The following RBMS2 variants were observed in gnomAD, a reference collection of about 807,000 sequenced individuals.
RBMS2 encodes RNA binding motif single stranded interacting protein 2.
A neutral mutation model predicts 58.4 loss-of-function variants in RBMS2; 38 were observed. The ratio of observed to expected loss-of-function variants is 0.65; its 90% CI spans 0.50 to 0.85. RBMS2 has a LOEUF of 0.85. RBMS2 is among the 40% of genes least tolerant of loss of function. The probability of loss-of-function intolerance (pLI) is 0.00; values close to 1 mark genes in which losing one functional copy is unlikely to be tolerated. For missense variants in RBMS2, 367 were observed against 503.7 expected (o/e 0.73, Z 2.60); for synonymous variants, 151 against 180.7 (o/e 0.84, Z 1.32).
At chr12:56,557,310 T>C (rs1218481677) in intron 1 of RBMS2, among the ~76,000 whole-genome samples, 1 of 152,218 alleles carries the variant, frequency 6.6e-6, no homozygotes, top group Non-Finnish European at 1.5e-5. Flanking sequence ...GGAAGCCAGA[T>C]AAGCTTTACT....
intron 9 of RBMS2, among the ~76,000 whole-genome samples, chr12:56,583,622 CCA>C (rs1884277190): frequency 6.6e-6 from 1 of 150,964 alleles, no homozygotes; most frequent in African/African-American, 2.4e-5. Flanking sequence ...CCACTACACT[CCA>C]GCCTGGGCGA....
intron 8 of RBMS2, 21 bp from the exon 9 acceptor site, chr12:56,582,038 G>A: frequency 1.9e-6 from 3 of 1,584,450 alleles, no homozygotes; most frequent in Non-Finnish European, 1.7e-6. Flanking sequence ...ACTCAGTACT[G>A]ATTGAGGTTC....
intron 1 of RBMS2, among the ~76,000 whole-genome samples, chr12:56,550,238 G>A (rs995428195): frequency 1.3e-5 from 2 of 151,970 alleles, no homozygotes; most frequent in African/African-American, 2.4e-5. Flanking sequence ...CTTAAGAAAG[G>A]GATAGACTAG....
intron 1 of RBMS2, among the ~76,000 whole-genome samples, chr12:56,559,389 T>A (rs985127055): frequency 9.9e-5 from 15 of 151,428 alleles, no homozygotes; most frequent in African/African-American, 3.6e-4. Context: ...GGTTTCACCG[T>A]GTTAGCCAGG....
chr12:56,556,799 C>T (rs1256750829), intron 1 of RBMS2, among the ~76,000 whole-genome samples: 1 of 152,124 alleles, frequency 6.6e-6, no homozygotes, highest in Non-Finnish European at 1.5e-5. Flanking sequence ...TTCACTTTAT[C>T]AGTGATTGAA....
intron 5 of RBMS2, among the ~76,000 whole-genome samples, chr12:56,573,476 CAAAAAAAAAAAAA>C (rs71081382): frequency 1.5e-4 from 9 of 59,682 alleles, no homozygotes; most frequent in Admixed American, 7.4e-4. Flanking sequence ...GACGCCATCT[CAAAAAAAAAAAAA>C]AAAAAAAAAA....
At chr12:56,535,910 C>T (rs2657896) in intron 1 of RBMS2, among the ~76,000 whole-genome samples, 19,428 of 152,002 alleles carry the variant, frequency 0.13, 1,476 homozygotes, top group Middle Eastern at 0.18. Flanking sequence ...TTAAGGTTAA[C>T]GATTGTCCTG....
intron 1 of RBMS2, among the ~76,000 whole-genome samples, chr12:56,535,266 G>A (rs927336161): frequency 1.2e-4 from 18 of 152,100 alleles, no homozygotes; most frequent in African/African-American, 4.3e-4. Context: ...AGGCTGAGGT[G>A]AGCAGATTGC....
intron 2 of RBMS2, among the ~76,000 whole-genome samples, chr12:56,566,160 C>G (rs1201601519): frequency 6.6e-6 from 1 of 152,160 alleles, no homozygotes; most frequent in Middle Eastern, 3.2e-3. Context: ...CTTATTCTGT[C>G]TAATCCTTTG....
intron 1 of RBMS2, among the ~76,000 whole-genome samples, chr12:56,526,887 G>A (rs1355947447): frequency 6.6e-6 from 1 of 152,006 alleles, no homozygotes; most frequent in Non-Finnish European, 1.5e-5. Context: ...CTCCTCATAG[G>A]ATCAACAACC....
At chr12:56,577,815 C>T (rs1387726071) in intron 5 of RBMS2, among the ~76,000 whole-genome samples, 3 of 151,884 alleles carry the variant, frequency 2.0e-5, no homozygotes, top group Non-Finnish European at 2.9e-5. Context: ...CCCAAGTAGC[C>T]GGGACCACTG....
chr12:56,537,300 C>A (rs1289897740), intron 1 of RBMS2, among the ~76,000 whole-genome samples: 5 of 152,138 alleles, frequency 3.3e-5, no homozygotes, highest in East Asian at 1.9e-4. Flanking sequence ...CTCCAGAATT[C>A]TTTTCATCTT....
chr12:56,575,326 A>G (rs1824849617), intron 5 of RBMS2, among the ~76,000 whole-genome samples: 1 of 152,084 alleles, frequency 6.6e-6, no homozygotes, highest in African/African-American at 2.4e-5. Context: ...AGTTCCAGCT[A>G]CCTGGGAGGC....
chr12:56,556,634 C>T (rs1879290235), intron 1 of RBMS2, among the ~76,000 whole-genome samples: 1 of 152,094 alleles, frequency 6.6e-6, no homozygotes, highest in South Asian at 2.1e-4. Flanking sequence ...CCTCAGCCTC[C>T]CAAAGTGCTG....
chr12:56,550,605 G>A (rs1878073316), intron 1 of RBMS2, among the ~76,000 whole-genome samples: 1 of 151,904 alleles, frequency 6.6e-6, no homozygotes, highest in African/African-American at 2.4e-5. Context: ...ACTTTGAGAG[G>A]CCGAGGTGGG....
Position 56,589,154 on chromosome 12 carries a change from T to C in RBMS2, c.*21T>C. The C allele has an allele frequency of 6.5e-7, 1 of 1,548,428 alleles. No individual in the cohort carries two copies. Among genetic ancestry groups the C allele is most frequent in the African/African-American group, 1.4e-5 (1 of 73,114 alleles). ...GCCTTCTTTAGGATTCCCCTCCCCA[T>C]CTTTACTGAATAGAAATGAATTCTT... On this transcript the variant is annotated 3_prime_UTR_variant, in exon 14 of 14. Coordinates refer to ENST00000262031, the MANE Select transcript of RBMS2 (RefSeq NM_002898.4).
chr12:56,559,815 C>T (rs1324118630), intron 1 of RBMS2, among the ~76,000 whole-genome samples: 2 of 140,330 alleles, frequency 1.4e-5, no homozygotes, highest in African/African-American at 5.6e-5. Context: ...CGGGCCACTG[C>T]ACTCCAGCCT....
At chr12:56,540,205 G>T (rs1875815947) in intron 1 of RBMS2, among the ~76,000 whole-genome samples, 1 of 152,122 alleles carries the variant, frequency 6.6e-6, no homozygotes, top group South Asian at 2.1e-4. Flanking sequence ...GTTTAGCTAA[G>T]CATTTTGTCC....
In RBMS2 at chr12:56,539,308, C is replaced by T. The variant is rs776550855; in HGVS notation, c.66+17219C>T. On this transcript the variant is annotated intron_variant, in intron 1 of 13. Transcript: ENST00000262031. Reference sequence around the variant, plus strand: ...CTAGGATTACAGGCGTGAGCCACTGCGCCCAGCCAGAATTCAGCAATTCTA... The same window carrying T: ...CTAGGATTACAGGCGTGAGCCACTGTGCCCAGCCAGAATTCAGCAATTCTA... Among the ~76,000 whole-genome samples, 4 of 152,162 alleles carry T rather than the reference C, an allele frequency of 2.6e-5. No individual in the cohort carries two copies. In the East Asian group the frequency reaches 5.8e-4, roughly 22 times the overall value.
Sources: allele counts gnomAD v4.1 joint callset (sites outside exome capture counted in the v4.1 genomes callset), GRCh38; gene constraint gnomAD v4.1.1; transcripts MANE v1.5; gene names NCBI Gene and HGNC (gene_info 2026-07-23, HGNC 2026-07-21).